The following WDPCP variants were observed in gnomAD, a reference collection of about 807,000 sequenced individuals.
WDPCP encodes the protein WD repeat containing planar cell polarity effector.
Under a neutral mutation model 93.1 loss-of-function variants are expected in WDPCP, and 71 were observed. The observed-to-expected ratio is 0.76, with a 90% confidence interval of 0.63 to 0.93. WDPCP has a LOEUF of 0.93. WDPCP is among the 40% of genes least tolerant of loss of function. WDPCP has a pLI of 0.00. For missense variants in WDPCP, 844 were observed against 887.4 expected (o/e 0.95, Z 0.62); for synonymous variants, 315 against 315.0 (o/e 1.00, Z 0.00).
At chr2:63,545,048 G>A (rs1705035787) in intron 1 of WDPCP, among the ~76,000 whole-genome samples, 1 of 152,030 alleles carries the variant, frequency 6.6e-6, no homozygotes, top group South Asian at 2.1e-4. Flanking sequence ...AGGAATTCAG[G>A]CAAAACAGAA....
At chr2:63,827,533 T>C (rs1322221986) in intron 1 of WDPCP, 1 of 152,162 alleles carries the variant, frequency 6.6e-6, no homozygotes, top group Non-Finnish European at 1.5e-5. Context: ...GAGCTGAGTC[T>C]ACCATCTCTA....
chr2:63,270,132 A>T (rs1282829932), intron 13 of WDPCP, among the ~76,000 whole-genome samples: 1 of 152,240 alleles, frequency 6.6e-6, no homozygotes, highest in African/African-American at 2.4e-5. Context: ...AAATTTTAGT[A>T]ATCAATTGTT....
intron 2 of WDPCP, among the ~76,000 whole-genome samples, chr2:63,736,306 C>T (rs763889181): frequency 6.6e-6 from 1 of 151,936 alleles, no homozygotes; most frequent in Non-Finnish European, 1.5e-5. Context: ...AATATGACTC[C>T]ATCAGAAAAT....
chr2:63,322,332 G>C (rs941061977), intron 12 of WDPCP, among the ~76,000 whole-genome samples: 1 of 152,248 alleles, frequency 6.6e-6, no homozygotes, highest in Non-Finnish European at 1.5e-5. Context: ...CAGGCCACCT[G>C]AGCCAGCAGT....
intron 12 of WDPCP, among the ~76,000 whole-genome samples, chr2:63,341,874 C>A (rs1305668564): frequency 1.3e-5 from 2 of 152,162 alleles, no homozygotes; most frequent in African/African-American, 4.8e-5. Context: ...TTGGTTACCA[C>A]TGCATAGAAT....
intron 14 of WDPCP, among the ~76,000 whole-genome samples, chr2:63,204,375 C>T (rs1422041323): frequency 8.0e-6 from 1 of 124,822 alleles, no homozygotes; most frequent in Non-Finnish European, 1.6e-5. Flanking sequence ...GAGTCTCACT[C>T]TGGTCACCCA....
chr2:63,162,370 A>T (rs556941862), intron 15 of WDPCP, among the ~76,000 whole-genome samples: 12 of 152,090 alleles, frequency 7.9e-5, no homozygotes, highest in Admixed American at 3.3e-4. Flanking sequence ...TGATTTATCA[A>T]TAGTTTTACA....
At chr2:63,501,381 T>C (rs897626057) in intron 1 of WDPCP, among the ~76,000 whole-genome samples, 1 of 152,060 alleles carries the variant, frequency 6.6e-6, no homozygotes, top group Non-Finnish European at 1.5e-5. Flanking sequence ...CTGGGCAACA[T>C]AGTCAGACCC....
At chr2:63,465,427 T>G (rs1699283828) in intron 6 of WDPCP, among the ~76,000 whole-genome samples, 1 of 152,134 alleles carries the variant, frequency 6.6e-6, no homozygotes, top group South Asian at 2.1e-4. Flanking sequence ...TGAGAAGGTT[T>G]GGATCCCACT....
chr2:63,273,823 ACACG>A (rs1377005193), intron 13 of WDPCP, among the ~76,000 whole-genome samples: 42 of 143,680 alleles, frequency 2.9e-4, no homozygotes, highest in East Asian at 1.2e-3. Flanking sequence ...ACACACACAC[ACACG>A]CACACACACA....
chr2:63,437,417 C>G lies in WDPCP; in HGVS notation c.633+4G>C, dbSNP rs1473376005. Reference sequence around the variant, plus strand: ...AATATGACTATATAAATCAAAATCTCTACCTTATAATCCAAGGCTGAGAGT... The same window carrying G: ...AATATGACTATATAAATCAAAATCTGTACCTTATAATCCAAGGCTGAGAGT... On this transcript the variant is annotated splice_donor_region_variant and intron_variant, in intron 8 of 17. Coordinates refer to ENST00000272321, the MANE Select transcript of WDPCP (RefSeq NM_015910.7). 1 of 1,595,064 alleles carries G rather than the reference C, an allele frequency of 6.3e-7. No individual in the cohort carries two copies. Among genetic ancestry groups the G allele is most frequent in the African/African-American group, 1.3e-5 (1 of 74,416 alleles).
chr2:63,508,016 G>A (rs1289463337), intron 1 of WDPCP, among the ~76,000 whole-genome samples: 1 of 152,072 alleles, frequency 6.6e-6, no homozygotes, highest in Non-Finnish European at 1.5e-5. Flanking sequence ...ACTCTTCAGG[G>A]TATTATCCAG....
intron 14 of WDPCP, among the ~76,000 whole-genome samples, chr2:63,234,931 C>T (rs1406784505): frequency 6.6e-6 from 1 of 152,008 alleles, no homozygotes; most frequent in African/African-American, 2.4e-5. Context: ...GCATTTATTA[C>T]CACTAATATA....
chr2:63,174,640 G>T, intron 15 of WDPCP, 30 bp downstream of exon 15: 1 of 1,612,598 alleles, frequency 6.2e-7, no homozygotes, highest in East Asian at 2.2e-5. Flanking sequence ...ATACTTTATG[G>T]AGCAATTTCC....
At chr2:63,821,353 A>G (rs1477738520) in intron 1 of WDPCP, among the ~76,000 whole-genome samples, 1 of 152,210 alleles carries the variant, frequency 6.6e-6, no homozygotes, top group Non-Finnish European at 1.5e-5. Flanking sequence ...CTAAATGGAA[A>G]TAACAGAATA....
chr2:63,614,815 C>A (rs1383564835), intron 3 of WDPCP, among the ~76,000 whole-genome samples: 1 of 152,136 alleles, frequency 6.6e-6, no homozygotes, highest in Admixed American at 6.5e-5. Context: ...AACAGACAGG[C>A]CTTGCTAGGT....
intron 2 of WDPCP, among the ~76,000 whole-genome samples, chr2:63,712,617 C>T (rs1669279324): frequency 6.6e-6 from 1 of 152,160 alleles, no homozygotes; most frequent in African/African-American, 2.4e-5. Flanking sequence ...TCCTGTCTGC[C>T]ACTACCAGTT....
At chr2:63,748,353 T>C (rs939063069) in intron 2 of WDPCP, among the ~76,000 whole-genome samples, 9 of 151,924 alleles carry the variant, frequency 5.9e-5, no homozygotes, top group Non-Finnish European at 1.3e-4. Context: ...CCACAAGATA[T>C]AATATTTTCC....
chr2:63,806,571 G>A (rs539377185), intron 2 of WDPCP, among the ~76,000 whole-genome samples: 48 of 152,192 alleles, frequency 3.2e-4, no homozygotes, highest in Non-Finnish European at 4.1e-4. Flanking sequence ...TTTATTAGGC[G>A]GTAATTTCCT....
Sources: allele counts gnomAD v4.1 joint callset (sites outside exome capture counted in the v4.1 genomes callset), GRCh38; gene constraint gnomAD v4.1.1; transcripts MANE v1.5; gene names NCBI Gene and HGNC (gene_info 2026-07-23, HGNC 2026-07-21).